Variants in MAGI3 observed in about 807,000 individuals in gnomAD.
The protein encoded by MAGI3 is membrane-associated guanylate kinase, WW and PDZ domain-containing protein 3.
MAGI3 carries 43 observed loss-of-function variants against 121.8 expected under a neutral mutation model. That is an observed-to-expected ratio of 0.35 (90% CI 0.28 to 0.46). MAGI3 has a LOEUF of 0.46. MAGI3 is among the 20% of genes least tolerant of loss of function. The pLI is 1.00. For missense variants in MAGI3, 1,547 were observed against 1,797.3 expected (o/e 0.86, Z 2.52); for synonymous variants, 553 against 639.3 (o/e 0.86, Z 2.04).
chr1:113,393,354 A>C (rs893865113), intron 1 of MAGI3, among the ~76,000 whole-genome samples: 1 of 152,224 alleles, frequency 6.6e-6, no homozygotes, highest in Admixed American at 6.5e-5. Flanking sequence ...TGTAGTCATT[A>C]GTAATAAAGT....
intron 16 of MAGI3, among the ~76,000 whole-genome samples, chr1:113,667,604 C>A (rs1647244205): frequency 6.6e-6 from 1 of 152,202 alleles, no homozygotes; most frequent in African/African-American, 2.4e-5. Context: ...TCTTGTCACT[C>A]ATTTGTTCAC....
Position 113,671,830 on chromosome 1 carries a change from G to A in MAGI3, c.2912G>A (p.Gly971Glu). The change falls in exon 17 of 21, where the codon GGG becomes GAG. Residue 971 changes from glycine to glutamate, a missense_variant. Transcript: ENST00000307546. ...MGQSQANHIP[G>E]DRSALEGEIG... ...CAGTCACAGGCCAACCACATACCTG[G>A]GGACAGGTGGGGCTATTTTCAGGTT... 6.2e-7 allele frequency: 1 copy of A among 1,613,790 alleles called. No homozygotes were observed.
chr1:113,633,329 T>A (rs979444720), intron 9 of MAGI3, among the ~76,000 whole-genome samples: 2 of 123,810 alleles, frequency 1.6e-5, no homozygotes, highest in East Asian at 5.4e-4. Flanking sequence ...TGGCGGGATC[T>A]AGGGTTACTG....
chr1:113,488,045 ATCCT>A (rs1221351582), intron 1 of MAGI3, among the ~76,000 whole-genome samples: 1 of 152,194 alleles, frequency 6.6e-6, no homozygotes, highest in African/African-American at 2.4e-5. Context: ...TTAATTTTTT[ATCCT>A]GACAATTTAA....
At chr1:113,452,064 A>C (rs1038525206) in intron 1 of MAGI3, among the ~76,000 whole-genome samples, 1 of 152,212 alleles carries the variant, frequency 6.6e-6, no homozygotes, top group African/African-American at 2.4e-5. Context: ...TCTTTGCTTA[A>C]TAAAGAACAA....
chr1:113,590,691 C>T (rs750185622), intron 5 of MAGI3, 33 bp downstream of exon 5: 2 of 1,573,064 alleles, frequency 1.3e-6, no homozygotes, highest in South Asian at 2.4e-5. Flanking sequence ...TCTAATGTGC[C>T]CTAACATGTT....
rs1648493475 is a variant in MAGI3 at position 113,685,543 on chromosome 1, C to G, written c.*1529C>G. ...AGATTTTTGAAATCCCCTTTTCATC[C>G]AGAACTATATTTACCCACCTATTGT... On this transcript the variant is annotated 3_prime_UTR_variant, in exon 21 of 21. Coordinates refer to ENST00000307546, the MANE Select transcript of MAGI3 (RefSeq NM_001142782.2). 6.6e-6 allele frequency: 1 copy of G among 152,304 alleles called. No individual in the cohort carries two copies. Among genetic ancestry groups the G allele is most frequent in the Admixed American group, 6.5e-5 (1 of 15,280 alleles). The allele number at this position is 152,304 out of a possible 1,614,324, so 9.4% of individuals were successfully genotyped here.
intron 1 of MAGI3, chr1:113,450,409 G>A: frequency 8.9e-7 from 1 of 1,122,438 alleles, no homozygotes; most frequent in Non-Finnish European, 1.4e-6. Context: ...GGATTTGGAG[G>A]TGATGGTGGC....
At chr1:113,618,421 A>G (rs373927050) in intron 7 of MAGI3, 6 of 384,312 alleles carry the variant, frequency 1.6e-5, no homozygotes, top group East Asian at 1.7e-4. Flanking sequence ...TGTAATATTC[A>G]GTCTACCTAA....
At chr1:113,548,437 T>G (rs1659634077) in intron 1 of MAGI3, among the ~76,000 whole-genome samples, 1 of 152,264 alleles carries the variant, frequency 6.6e-6, no homozygotes, top group African/African-American at 2.4e-5. Flanking sequence ...AATTTTTGAC[T>G]TTCTTAATTA....
chr1:113,594,486 A>G lies in MAGI3; in HGVS notation c.944A>G (p.Asn315Ser). 3 of 1,611,522 alleles carry G rather than the reference A, an allele frequency of 1.9e-6. No homozygotes were observed. Among genetic ancestry groups the G allele is most frequent in the Non-Finnish European group, 2.5e-6 (3 of 1,179,036 alleles). The change falls in exon 6 of 21, where the codon AAT becomes AGT. Residue 315 changes from asparagine to serine, a missense_variant. Transcript: ENST00000307546. The stretch of plus-strand genomic sequence containing the variant: ...TTAAAATCTTTATTCTACAGCCACA[A>G]TACCAAGACAACCACCTGGTTGGAT... ...DTGMIYFIDH[N>S]TKTTTWLDPR...
intron 1 of MAGI3, among the ~76,000 whole-genome samples, chr1:113,530,566 A>G (rs1400123083): frequency 1.3e-5 from 2 of 151,934 alleles, no homozygotes; most frequent in Non-Finnish European, 2.9e-5. Flanking sequence ...TTATATAACA[A>G]TACTGCACAT....
intron 1 of MAGI3, among the ~76,000 whole-genome samples, chr1:113,536,048 A>G (rs1184797266): frequency 1.3e-5 from 2 of 151,826 alleles, no homozygotes; most frequent in South Asian, 4.2e-4. Context: ...TGTCAAATGT[A>G]CCACCAACTA....
At chr1:113,554,144 G>A (rs996154472) in intron 2 of MAGI3, among the ~76,000 whole-genome samples, 4 of 152,050 alleles carry the variant, frequency 2.6e-5, no homozygotes, top group Non-Finnish European at 5.9e-5. Context: ...CAAAAGAAAA[G>A]TCAGCTGATA....
intron 6 of MAGI3, among the ~76,000 whole-genome samples, chr1:113,601,305 T>C (rs1196573008): frequency 6.6e-6 from 1 of 151,640 alleles, no homozygotes; most frequent in Non-Finnish European, 1.5e-5. Flanking sequence ...CAGGAGAAAA[T>C]TTTTGCAATC....
chr1:113,626,400 T>C (rs905736771), intron 9 of MAGI3, among the ~76,000 whole-genome samples: 2 of 152,220 alleles, frequency 1.3e-5, no homozygotes, highest in African/African-American at 4.8e-5. Context: ...TCAGTACTTA[T>C]CAGAAATACT....
At chr1:113,622,554 A>G (rs1166168496) in intron 8 of MAGI3, among the ~76,000 whole-genome samples, 1 of 152,160 alleles carries the variant, frequency 6.6e-6, no homozygotes, top group Non-Finnish European at 1.5e-5. Context: ...AGTACTTTGC[A>G]CATAAAACTC....
chr1:113,670,315 A>T (rs1367401608), intron 16 of MAGI3, among the ~76,000 whole-genome samples: 1 of 152,194 alleles, frequency 6.6e-6, no homozygotes, highest in Non-Finnish European at 1.5e-5. Context: ...TTTTCAATAA[A>T]AATAAGCAAT....
intron 1 of MAGI3, among the ~76,000 whole-genome samples, chr1:113,506,150 G>C (rs958347742): frequency 3.9e-5 from 6 of 152,170 alleles, no homozygotes; most frequent in African/African-American, 1.4e-4. Context: ...AAAGGTGTCA[G>C]ATTTCAGATA....
Sources: allele counts gnomAD v4.1 joint callset (sites outside exome capture counted in the v4.1 genomes callset), GRCh38; gene constraint gnomAD v4.1.1; transcripts MANE v1.5; gene names NCBI Gene and HGNC (gene_info 2026-07-23, HGNC 2026-07-21).